EMG1: variants seen among roughly 807,000 people sequenced by gnomAD.
EMG1 encodes the protein ribosomal RNA small subunit methyltransferase NEP1.
In EMG1, 24 loss-of-function variants were observed where a neutral mutation model predicts 26.9. That is an observed-to-expected ratio of 0.89 (90% CI 0.65 to 1.26). The LOEUF is 1.26. EMG1 is among the 50% of genes most tolerant of loss of function. The pLI, the probability that EMG1 is intolerant of heterozygous loss-of-function variation, is 0.00. For synonymous variants in EMG1, 140 were observed against 112.6 expected (o/e 1.24, Z -1.54); for missense variants, 299 against 307.6 (o/e 0.97, Z 0.21).
downstream of EMG1, chr12:6,981,111 G>C: frequency 6.2e-7 from 1 of 1,614,034 alleles, no homozygotes; most frequent in Non-Finnish European, 8.5e-7. Flanking sequence ...AGAAGTAGGA[G>C]AAACCAGCAA....
chr12:6,984,210 T>G (rs887398036), downstream of EMG1, among the ~76,000 whole-genome samples: 5 of 152,330 alleles, frequency 3.3e-5, no homozygotes, highest in African/African-American at 1.2e-4. Context: ...AAAATCCATT[T>G]AAGTATACTA....
At chr12:6,985,231 A>T (rs1946510582) in intron 6 of EMG1, among the ~76,000 whole-genome samples, 1 of 151,856 alleles carries the variant, frequency 6.6e-6, no homozygotes, top group African/African-American at 2.4e-5. Context: ...CTCTACTAAA[A>T]ATACAAAAAA....
chr12:6,981,240 A>G (rs1946468609), downstream of EMG1: 1 of 1,405,304 alleles, frequency 7.1e-7, no homozygotes, highest in Non-Finnish European at 9.7e-7. Flanking sequence ...CACAAGAGCC[A>G]CTTTGAGTGT....
downstream of EMG1, chr12:6,983,498 T>C: frequency 6.2e-7 from 1 of 1,612,980 alleles, no homozygotes; most frequent in African/African-American, 1.3e-5. Flanking sequence ...TAGGTCTCCT[T>C]GTAGAAAAGG....
At chr12:6,983,622 C>T (rs1333139569), downstream of EMG1, 2 of 826,580 alleles carry the variant, frequency 2.4e-6, no homozygotes, top group Non-Finnish European at 4.1e-6. Context: ...TGGCATGAAA[C>T]GCAGCCCAGA....
chr12:6,990,574 C>G (rs1190491050), downstream of EMG1, among the ~76,000 whole-genome samples: 2 of 146,602 alleles, frequency 1.4e-5, no homozygotes, highest in Non-Finnish European at 3.0e-5. Context: ...AATTGAGCAC[C>G]CCAAACAACT....
At chr12:6,974,313 C>T (rs1555152666) in intron 1 of EMG1, 26 bp from the exon 2 acceptor site, 1 of 1,539,784 alleles carries the variant, frequency 6.5e-7, no homozygotes, top group Admixed American at 1.7e-5. Context: ...TTATGCTGTT[C>T]TCTCGTCATG....
At chr12:6,992,705 G>C (rs1946600303), downstream of EMG1, among the ~76,000 whole-genome samples, 1 of 152,022 alleles carries the variant, frequency 6.6e-6, no homozygotes. Context: ...TGGTTTCCTT[G>C]ACTGCCCTGC....
Position 6,978,903 on chromosome 12 carries a change from G to A in EMG1, c.*3094G>A, listed in dbSNP as rs1425152794. 8 of 620,358 alleles carry A rather than the reference G, an allele frequency of 1.3e-5. No homozygotes were observed. The highest frequency in any genetic ancestry group is 1.9e-5 in the Non-Finnish European group (7 of 367,964). The allele number at this position is 620,358 out of a possible 1,614,324, so 38.4% of individuals were successfully genotyped here. A position where few individuals can be genotyped will look rare whatever the true frequency, so the allele number is the denominator to read the frequency against. On this transcript the variant is annotated 3_prime_UTR_variant, in exon 6 of 6. Coordinates refer to ENST00000599672, the MANE Select transcript of EMG1 (RefSeq NM_006331.8). ...TATTCATTCGCCTTTCCCTTGGAGA[G>A]CCTCAAGGGCAGCACTGTATTTAAC...
At position 6,979,245 on chromosome 12, in the gene EMG1, G is replaced by A. The variant is rs1405988580; in HGVS notation, c.*3436G>A. The A allele has an allele frequency of 7.0e-6, 4 of 569,880 alleles. No individual in the cohort carries two copies. The highest frequency in any genetic ancestry group is 5.7e-5 in the African/African-American group (3 of 53,014). The allele number at this position is 569,880 out of a possible 1,614,324, so 35.3% of individuals were successfully genotyped here. A position where few individuals can be genotyped will look rare whatever the true frequency, so the allele number is the denominator to read the frequency against. On this transcript the variant is annotated 3_prime_UTR_variant, in exon 6 of 6. Coordinates refer to ENST00000599672, the MANE Select transcript of EMG1 (RefSeq NM_006331.8). ...GAGCGGCTCCTAGAGAAGGCAACGG[G>A]TGCTAAATGTGCACCTGGCACAGCC...
At position 6,977,511 on chromosome 12, in the gene EMG1, A is replaced by G. The variant is rs782796529; in HGVS notation, c.*1702A>G. ...GCTTGCTCAGGGTGGGGCTCTCTTGAATGAGCCTGGCAGCCTGGGGAGGGA... is the reference window on the plus strand; with the variant it reads ...GCTTGCTCAGGGTGGGGCTCTCTTGGATGAGCCTGGCAGCCTGGGGAGGGA... On this transcript the variant is annotated 3_prime_UTR_variant, in exon 6 of 6. Coordinates refer to ENST00000599672, the MANE Select transcript of EMG1 (RefSeq NM_006331.8). This position sits in a 1 kb window ranked among gnomAD's most constrained non-coding sequence, Gnocchi z 4.5. 11 of 1,614,156 alleles carry G rather than the reference A, an allele frequency of 6.8e-6. No individual in the cohort carries two copies. The highest frequency in any genetic ancestry group is 9.3e-6 in the Non-Finnish European group (11 of 1,180,030).
intron 3 of EMG1, 86 bp from the exon 4 acceptor site, chr12:6,975,004 T>C (rs1382659388): frequency 1.5e-6 from 2 of 1,347,156 alleles, no homozygotes; most frequent in Non-Finnish European, 2.1e-6. Flanking sequence ...GGAACTCATC[T>C]TATCCATGGG....
downstream of EMG1, chr12:6,983,563 G>A: frequency 2.7e-6 from 4 of 1,481,844 alleles, no homozygotes; most frequent in South Asian, 4.5e-5. Flanking sequence ...AAGATAAGAA[G>A]AGTGTTATTT....
At chr12:6,994,661 C>T (rs1169741687) in intron 7 of EMG1, among the ~76,000 whole-genome samples, 2 of 151,654 alleles carry the variant, frequency 1.3e-5, no homozygotes, top group East Asian at 1.9e-4. Context: ...CACCATGTTG[C>T]TCAGGCTGGT....
intron 1 of EMG1, among the ~76,000 whole-genome samples, chr12:6,973,191 C>T (rs1311076736): frequency 2.0e-5 from 3 of 151,000 alleles, no homozygotes; most frequent in African/African-American, 7.3e-5. Flanking sequence ...TTTCTTTTTT[C>T]TTTTTTTTGA....
At chr12:6,991,083 T>C (rs1172350644), downstream of EMG1, among the ~76,000 whole-genome samples, 2 of 152,148 alleles carry the variant, frequency 1.3e-5, no homozygotes, top group Admixed American at 1.3e-4. Context: ...AATAAAGCCA[T>C]CTAATGAGAA....
chr12:6,989,474 C>A (rs937630032), downstream of EMG1, among the ~76,000 whole-genome samples: 1 of 151,980 alleles, frequency 6.6e-6, no homozygotes, highest in African/African-American at 2.4e-5. Context: ...TCACGCCCAG[C>A]TAATTTTTTG....
In EMG1 at chr12:6,977,966, A is replaced by G. The variant is rs1158799250; in HGVS notation, c.*2157A>G. ...CGTGTGCGCACGAGCCACTTGGTTC[A>G]GCAGCAGTGACTGAGGCTGATGCTG... is the stretch of plus-strand genomic sequence containing the variant. On this transcript the variant is annotated 3_prime_UTR_variant, in exon 6 of 6. Coordinates refer to ENST00000599672, the MANE Select transcript of EMG1 (RefSeq NM_006331.8). The surrounding 1 kb of genome is among the most constrained non-coding windows in gnomAD (Gnocchi z 4.5). 6.9e-6 allele frequency: 4 copies of G among 582,962 alleles called. No individual in the cohort carries two copies. The highest frequency in any genetic ancestry group is 9.1e-6 in the Non-Finnish European group (3 of 330,164). The allele number at this position is 582,962 out of a possible 1,614,324, so 36.1% of individuals were successfully genotyped here. A position where few individuals can be genotyped will look rare whatever the true frequency, so the allele number is the denominator to read the frequency against.
At chr12:6,981,485 G>A, downstream of EMG1, 1 of 1,066,754 alleles carries the variant, frequency 9.4e-7, no homozygotes, top group African/African-American at 1.5e-5. Flanking sequence ...CACAGGCTGG[G>A]GAATGAGGGA....
Sources: gnomAD v4.1 joint callset for allele counts (sites outside exome capture counted in the v4.1 genomes callset) on GRCh38, gnomAD v4.1.1 for gene constraint, Gnocchi (gnomAD v3.1) non-coding constraint, MANE v1.5 for transcripts, NCBI Gene and HGNC (gene_info 2026-07-23, HGNC 2026-07-21) for gene names.